GPATCH8: variants seen among roughly 807,000 people sequenced by gnomAD.
The protein encoded by GPATCH8 is G-patch domain containing 8.
In GPATCH8, 18 loss-of-function variants were observed where a neutral mutation model predicts 118.3. The ratio of observed to expected loss-of-function variants is 0.15; its 90% CI spans 0.11 to 0.23. The LOEUF is 0.23. Ranked by LOEUF, GPATCH8 falls within the 10% of genes least tolerant of loss-of-function variation. The pLI is 1.00. For missense variants in GPATCH8, 1,631 were observed against 1,873.8 expected, an observed-to-expected ratio of 0.87 and a Z score of 2.39; for synonymous variants, 659 against 684.7, an observed-to-expected ratio of 0.96 and a Z score of 0.59.
chr17:44,427,248 G>A (rs1184893288), intron 5 of GPATCH8, among the ~76,000 whole-genome samples: 2 of 151,680 alleles, frequency 1.3e-5, no homozygotes, highest in African/African-American at 4.8e-5. Context: ...GCTAATTTTT[G>A]TATTTTTCGT....
At chr17:44,458,001 C>T (rs1012337372) in intron 3 of GPATCH8, among the ~76,000 whole-genome samples, 9 of 151,672 alleles carry the variant, frequency 5.9e-5, no homozygotes, top group East Asian at 5.8e-4. Flanking sequence ...AGGAGAATGG[C>T]GTGAACCCGG....
At chr17:44,415,320 C>T (rs538951003) in intron 6 of GPATCH8, among the ~76,000 whole-genome samples, 2 of 152,000 alleles carry the variant, frequency 1.3e-5, no homozygotes, top group Non-Finnish European at 2.9e-5. Flanking sequence ...TTGAGTATCC[C>T]GTATCTGAAA....
chr17:44,400,145 C>A lies in GPATCH8; in HGVS notation c.1932G>T (p.Lys644Asn). The A allele has an allele frequency of 6.2e-7, 1 of 1,614,060 alleles. No homozygotes were observed. The highest frequency in any genetic ancestry group is 8.5e-7 in the Non-Finnish European group (1 of 1,180,016). Residue 644 changes from lysine to asparagine, a missense_variant, in exon 8 of 8, where the codon AAG becomes AAT. This residue lies in a region of GPATCH8 where 922 missense variants were observed against 879.7 expected (regional missense o/e 1.05). Coordinates refer to ENST00000591680, the MANE Select transcript of GPATCH8 (RefSeq NM_001002909.4). ...ACCCATGGCTACCCCCAGGCTCCTG[C>A]TTGTTCAGGCCGCTACAGGCAGACC... ...ASGSACSGLN[K>N]QEPGGSHGSE...
At chr17:44,449,136 G>A (rs1353821416) in intron 3 of GPATCH8, among the ~76,000 whole-genome samples, 2 of 152,116 alleles carry the variant, frequency 1.3e-5, no homozygotes, top group Non-Finnish European at 2.9e-5. Flanking sequence ...AATTAGCCAG[G>A]CGTGATGGCA....
chr17:44,400,701 C>A lies in GPATCH8; in HGVS notation c.1376G>T (p.Ser459Ile), dbSNP rs773393702. The A allele has an allele frequency of 3.1e-6, 5 of 1,611,154 alleles. No homozygotes were observed. Among genetic ancestry groups the A allele is most frequent in the Non-Finnish European group, 3.4e-6 (4 of 1,178,218 alleles). Reference sequence around the variant, plus strand: ...TTCCTTCGGCTGCTCAGAGACTTCACTAACTGTCTTTTCTGCTCCTTGGCT... The same window carrying A: ...TTCCTTCGGCTGCTCAGAGACTTCAATAACTGTCTTTTCTGCTCCTTGGCT... Reference protein sequence around the residue: ...AASQGAEKTVSEVSEQPKETS... With the variant: ...AASQGAEKTVIEVSEQPKETS... Residue 459 changes from serine (S) to isoleucine (I), a missense_variant, in exon 8 of 8, where the codon AGT becomes ATT. Around this residue, in one of 8 missense-constraint regions of GPATCH8, gnomAD observed 405 missense variants for 462.7 expected, o/e 0.88. Coordinates refer to ENST00000591680, the MANE Select transcript of GPATCH8 (RefSeq NM_001002909.4).
intron 1 of GPATCH8, 131 bp from the exon 2 acceptor site, chr17:44,475,034 C>T: frequency 1.5e-6 from 1 of 656,970 alleles, no homozygotes; most frequent in Non-Finnish European, 2.7e-6. Flanking sequence ...TGCAATCGTT[C>T]ATTTTCAGTA....
At chr17:44,449,717 T>C (rs1045582745) in intron 3 of GPATCH8, among the ~76,000 whole-genome samples, 1 of 151,560 alleles carries the variant, frequency 6.6e-6, no homozygotes, top group Non-Finnish European at 1.5e-5. Flanking sequence ...GGTTTCTCCA[T>C]GTTGAGGCTG....
intron 6 of GPATCH8, among the ~76,000 whole-genome samples, chr17:44,422,494 AT>A (rs989600716): frequency 4.5e-4 from 64 of 141,308 alleles, no homozygotes; most frequent in Middle Eastern, 3.9e-3. Context: ...CTAGCCTAAA[AT>A]TTTTTTTTTT....
At chr17:44,469,619 T>C (rs555952892) in intron 2 of GPATCH8, among the ~76,000 whole-genome samples, 6 of 152,306 alleles carry the variant, frequency 3.9e-5, no homozygotes, top group African/African-American at 1.4e-4. Flanking sequence ...AGTGACAAAA[T>C]AGTAAGTCTC....
chr17:44,483,170 AAAAAAAATATATATAT>A (rs1968431221), intron 1 of GPATCH8, among the ~76,000 whole-genome samples: 1 of 21,860 alleles, frequency 4.6e-5, no homozygotes, highest in African/African-American at 1.3e-4. Context: ...AAAAAAAAAA[AAAAAAAATATATATAT>A]ATATATATAT....
In GPATCH8 at chr17:44,397,588, G is replaced by T. The variant is rs759691447; in HGVS notation, c.4489C>A (p.Pro1497Thr). The T allele has an allele frequency of 1.2e-6, 2 of 1,613,056 alleles. No homozygotes were observed. Among genetic ancestry groups the T allele is most frequent in the East Asian group, 2.2e-5 (1 of 44,866 alleles). ...PIFSGQDLQH[P>T]PSHGT ...CCAACTCACGTGCCATGGCTGGGGG[G>T]ATGTTGCAGGTCCTGACCTGAGAAG... Residue 1497 changes from proline (P) to threonine (T), a missense_variant, in exon 8 of 8, where the codon CCC (proline) becomes ACC (threonine). Physicochemically the swap from Pro to Thr is conservative, Grantham distance 38. This residue lies in a region of GPATCH8 where 65 missense variants were observed against 105.3 expected (regional missense o/e 0.62). Transcript: ENST00000591680.
rs936019 is a variant in GPATCH8, at chr17:44,398,615, G to T, written c.3462C>A (p.Thr1154=). 1.7e-5 allele frequency: 27 copies of T among 1,543,558 alleles called. No individual in the cohort carries two copies. Among genetic ancestry groups the T allele is most frequent in the Admixed American group, 1.6e-4 (8 of 48,918 alleles). Reference sequence around the variant, plus strand: ...CTTCACACTTCTTATTGGGCTTTCGGGTAGCTGGGAGCTTCCCTATCAGTG... The same window carrying T: ...CTTCACACTTCTTATTGGGCTTTCGTGTAGCTGGGAGCTTCCCTATCAGTG... ...VLPLIGKLPA[T]RKPNKKCEES... The change falls in exon 8 of 8, where the codon ACC becomes ACA. Residue 1154 remains threonine (T), a synonymous_variant. Coordinates refer to ENST00000591680, the MANE Select transcript of GPATCH8 (RefSeq NM_001002909.4).
intron 1 of GPATCH8, among the ~76,000 whole-genome samples, chr17:44,483,533 G>C (rs1354804526): frequency 6.6e-6 from 1 of 151,484 alleles, no homozygotes; most frequent in Non-Finnish European, 1.5e-5. Flanking sequence ...ACAGGCGTGA[G>C]CCACCGCGAC....
intron 3 of GPATCH8, among the ~76,000 whole-genome samples, chr17:44,456,756 T>A (rs528086525): frequency 6.6e-6 from 1 of 152,350 alleles, no homozygotes; most frequent in East Asian, 1.9e-4. Context: ...GAAGGAGGTA[T>A]ACATAAATAA....
rs184080872 is a variant in GPATCH8, at chr17:44,477,717, A to C, written c.46-2814T>G. On this transcript the variant is annotated intron_variant, in intron 1 of 7. Coordinates refer to ENST00000591680, the MANE Select transcript of GPATCH8 (RefSeq NM_001002909.4). Reference sequence around the variant, plus strand: ...ATGTTTTCCAAAGACAAAAAAAAAAAGGACTTAAAAGTGGGTATTTCAGGA... The same window carrying C: ...ATGTTTTCCAAAGACAAAAAAAAAACGGACTTAAAAGTGGGTATTTCAGGA... Among the ~76,000 whole-genome samples, 330 of 152,134 alleles carry C rather than the reference A, an allele frequency of 2.2e-3. 1 individual carries two copies. Among genetic ancestry groups the C allele is most frequent in the African/African-American group, 7.6e-3 (314 of 41,536 alleles).
intron 3 of GPATCH8, among the ~76,000 whole-genome samples, chr17:44,458,752 G>C (rs1030927877): frequency 2.0e-5 from 3 of 152,056 alleles, no homozygotes; most frequent in African/African-American, 7.2e-5. Context: ...TTGAACCCTT[G>C]GCCTCAAGTG....
Position 44,486,406 on chromosome 17 carries a change from C to A in GPATCH8, c.46-11503G>T, listed in dbSNP as rs563421083. On this transcript the variant is annotated intron_variant, in intron 1 of 7. Coordinates refer to ENST00000591680, the MANE Select transcript of GPATCH8 (RefSeq NM_001002909.4). ...GGTGATTTGCATTGTTAAAATTATGCCCATTAAGGGCATTTTTTTGTAAAA... is the reference window on the plus strand; with the variant it reads ...GGTGATTTGCATTGTTAAAATTATGACCATTAAGGGCATTTTTTTGTAAAA... 4.6e-5 allele frequency: 7 copies of A among 152,256 alleles called. No homozygotes were observed. The East Asian group carries it at 5.8e-4, about 13-fold the overall frequency. 9.4% of individuals were successfully genotyped at this position (152,256 alleles called of 1,614,324 possible).
intron 6 of GPATCH8, among the ~76,000 whole-genome samples, chr17:44,415,813 G>T (rs16970720): frequency 6.6e-6 from 1 of 152,332 alleles, no homozygotes; most frequent in Non-Finnish European, 1.5e-5. Flanking sequence ...GGTTGAAACT[G>T]TAGAACAAAA....
At chr17:44,475,476 A>G (rs1279132194) in intron 1 of GPATCH8, among the ~76,000 whole-genome samples, 1 of 151,922 alleles carries the variant, frequency 6.6e-6, no homozygotes, top group African/African-American at 2.4e-5. Flanking sequence ...AGGCAGGTGG[A>G]TCACGAGGCC....
Sources: allele counts gnomAD v4.1 joint callset (sites outside exome capture counted in the v4.1 genomes callset), GRCh38; gene constraint gnomAD v4.1.1; regional missense constraint gnomAD v4.1.1; transcripts MANE v1.5; gene names NCBI Gene and HGNC (gene_info 2026-07-23, HGNC 2026-07-21).